PCDHA6: variants seen among roughly 807,000 people sequenced by gnomAD.
The protein encoded by PCDHA6 is protocadherin alpha-6.
PCDHA6 carries 55 observed loss-of-function variants against 60.3 expected under a neutral mutation model. That is an observed-to-expected ratio of 0.91 (90% CI 0.73 to 1.14). The LOEUF is 1.14. PCDHA6 is among the 50% of genes most tolerant of loss of function. PCDHA6 has a pLI of 0.00. For synonymous variants in PCDHA6, 652 were observed against 557.9 expected, an observed-to-expected ratio of 1.17 and a Z score of -2.38; for missense variants, 1,327 against 1,256.5, an observed-to-expected ratio of 1.06 and a Z score of -0.85.
intron 3 of PCDHA6, among the ~76,000 whole-genome samples, chr5:140,990,715 A>G (rs927680875): frequency 1.3e-5 from 2 of 152,194 alleles, no homozygotes; most frequent in Non-Finnish European, 2.9e-5. Context: ...GGATAAGAGC[A>G]TCACTAGGTA....
At chr5:140,914,095 C>G (rs1368870998) in intron 1 of PCDHA6, among the ~76,000 whole-genome samples, 1 of 152,082 alleles carries the variant, frequency 6.6e-6, no homozygotes, top group Non-Finnish European at 1.5e-5. Context: ...TCAATTTGTT[C>G]TATAGTGCAG....
At chr5:140,877,269 T>A in intron 1 of PCDHA6, 1 of 1,613,758 alleles carries the variant, frequency 6.2e-7, no homozygotes. Flanking sequence ...CGGTGGACGC[T>A]GACTCCGGCT....
At position 140,828,473 on chromosome 5, in the gene PCDHA6, G is replaced by C. The variant is rs1269610304; in HGVS notation, c.382G>C (p.Asp128His). The change falls in exon 1 of 4, where the codon GAC becomes CAC. Residue 128 changes from aspartate to histidine, a missense_variant. By Grantham distance (81) the Asp-to-His change is moderately conservative (BLOSUM62 -1). Coordinates refer to ENST00000529310, the MANE Select transcript of PCDHA6 (RefSeq NM_018909.4). ...HVDVEVRDIN[D>H]NPPLFPVEEQ... The stretch of plus-strand genomic sequence containing the variant: ...GGACGTGGAGGTGAGGGACATTAAC[G>C]ACAACCCGCCCTTGTTCCCGGTAGA... 7 of 1,614,130 alleles carry C rather than the reference G, an allele frequency of 4.3e-6. No homozygotes were observed. In the Admixed American group the frequency reaches 6.7e-5, roughly 15 times the overall value.
At chr5:140,904,018 A>G (rs2070774543) in intron 1 of PCDHA6, among the ~76,000 whole-genome samples, 1 of 152,198 alleles carries the variant, frequency 6.6e-6, no homozygotes. Context: ...TTAAAAAATA[A>G]TGGTATAATT....
At chr5:140,897,782 T>G (rs1378743158) in intron 1 of PCDHA6, among the ~76,000 whole-genome samples, 6 of 152,182 alleles carry the variant, frequency 3.9e-5, no homozygotes, top group Admixed American at 3.9e-4. Flanking sequence ...CCACAATGGT[T>G]GAACTAGTTT....
chr5:140,910,715 A>C (rs2075137767), intron 1 of PCDHA6, among the ~76,000 whole-genome samples: 1 of 152,118 alleles, frequency 6.6e-6, no homozygotes, highest in Admixed American at 6.5e-5. Flanking sequence ...GCCATCTTTT[A>C]ATCCATATTT....
At chr5:140,843,702 A>G (rs375271706) in intron 1 of PCDHA6, 3 of 1,580,560 alleles carry the variant, frequency 1.9e-6, no homozygotes, top group Admixed American at 3.4e-5. Context: ...TTAAATGTTG[A>G]TCATGGCCTC....
chr5:140,850,116 G>A, intron 1 of PCDHA6: 1 of 1,596,102 alleles, frequency 6.3e-7, no homozygotes, highest in Non-Finnish European at 8.6e-7. Context: ...GCGCGACGCG[G>A]GCGTGCCGCC....
At chr5:140,934,196 C>T in intron 1 of PCDHA6, among the ~76,000 whole-genome samples, 1 of 152,068 alleles carries the variant, frequency 6.6e-6, no homozygotes, top group East Asian at 1.9e-4. Context: ...CTTTTCATTT[C>T]TATTTCCTCA....
chr5:140,982,499 C>T lies in PCDHA6; in HGVS notation c.2478C>T (p.Gly826=). The T allele has an allele frequency of 6.2e-7, 1 of 1,614,184 alleles. No individual in the cohort carries two copies. The highest frequency in any genetic ancestry group is 8.5e-7 in the Non-Finnish European group (1 of 1,180,024). The part of the protein sequence containing the change: ...MHSSVHLEEA[G]ILRAGPGGPD... Reference sequence around the variant, plus strand: ...GCTCTGTGCACCTAGAGGAGGCTGGCATTCTACGGGCTGGTCCAGGAGGGC... The same window carrying T: ...GCTCTGTGCACCTAGAGGAGGCTGGTATTCTACGGGCTGGTCCAGGAGGGC... The change falls in exon 3 of 4, where the codon GGC becomes GGT. Residue 826 remains glycine (G), a synonymous_variant. Transcript: ENST00000529310.
At chr5:140,996,884 A>T (rs1411027110) in intron 3 of PCDHA6, among the ~76,000 whole-genome samples, 1 of 152,186 alleles carries the variant, frequency 6.6e-6, no homozygotes, top group African/African-American at 2.4e-5. Flanking sequence ...TGTATTTTTA[A>T]ATAAAATAGA....
chr5:140,967,748 G>T, intron 1 of PCDHA6: 1 of 1,614,204 alleles, frequency 6.2e-7, no homozygotes, highest in Non-Finnish European at 8.5e-7. Context: ...TTATGAGGAA[G>T]CCTCCTCCTA....
intron 3 of PCDHA6, among the ~76,000 whole-genome samples, chr5:140,991,573 G>C (rs1406319253): frequency 2.0e-5 from 3 of 152,036 alleles, no homozygotes; most frequent in Non-Finnish European, 4.4e-5. Context: ...CCAATAACAG[G>C]CTCCTTATTT....
intron 3 of PCDHA6, among the ~76,000 whole-genome samples, chr5:140,990,438 T>C (rs2097393735): frequency 2.0e-5 from 3 of 152,222 alleles, no homozygotes; most frequent in Admixed American, 2.0e-4. Context: ...CCCAATCTTG[T>C]GTCCAGAGCT....
rs576221086 is a variant in PCDHA6, at chr5:140,933,031, A to G, written c.2395-45918A>G. Among the ~76,000 whole-genome samples, 5 of 152,154 alleles carry G rather than the reference A, an allele frequency of 3.3e-5. No individual in the cohort carries two copies. The South Asian group carries it at 6.2e-4, about 19-fold the overall frequency. ...AATATTAACACTTGGCAGAACTTCAAGTGAATATGGATTACAGTCCAGGAT... is the reference window on the plus strand; with the variant it reads ...AATATTAACACTTGGCAGAACTTCAGGTGAATATGGATTACAGTCCAGGAT... On this transcript the variant is annotated intron_variant, in intron 1 of 3. Coordinates refer to ENST00000529310, the MANE Select transcript of PCDHA6 (RefSeq NM_018909.4).
chr5:140,882,404 G>T, intron 1 of PCDHA6: 1 of 1,614,152 alleles, frequency 6.2e-7, no homozygotes, highest in Non-Finnish European at 8.5e-7. Context: ...CACCTTCGTG[G>T]GCCGCATCGC....
chr5:140,852,043 A>G, intron 1 of PCDHA6: 1 of 921,642 alleles, frequency 1.1e-6, no homozygotes, highest in Non-Finnish European at 1.3e-6. Flanking sequence ...AGTTTTTGTT[A>G]TGTGGTTTAT....
intron 1 of PCDHA6, chr5:140,966,814 C>T: frequency 1.9e-6 from 3 of 1,552,444 alleles, no homozygotes; most frequent in East Asian, 2.4e-5. Context: ...ATCCACGGCT[C>T]CGGCGGCCCA....
chr5:140,858,302 A>T, intron 1 of PCDHA6: 1 of 1,597,158 alleles, frequency 6.3e-7, no homozygotes, highest in South Asian at 1.1e-5. Context: ...CTCGCAGCAG[A>T]GGCGGCAGAG....
Sources: gnomAD v4.1 joint callset for allele counts (sites outside exome capture counted in the v4.1 genomes callset) on GRCh38, gnomAD v4.1.1 for gene constraint, MANE v1.5 for transcripts, NCBI Gene and HGNC (gene_info 2026-07-23, HGNC 2026-07-21) for gene names.